The following ZNF774 variants were observed in gnomAD, a reference collection of about 807,000 sequenced individuals.
ZNF774 encodes zinc finger protein 774.
In ZNF774, 14 loss-of-function variants were observed where a neutral mutation model predicts 11.1. That is an observed-to-expected ratio of 1.26 (90% CI 0.83 to 1.97). The LOEUF is 1.97. Ranked by LOEUF, ZNF774 falls within the 30% of genes most tolerant of loss-of-function variation. The pLI is 0.00. For synonymous variants in ZNF774, 195 were observed against 212.6 expected (o/e 0.92, Z 0.72); for missense variants, 599 against 587.0 (o/e 1.02, Z -0.21).
At chr15:90,359,796 A>C (rs1964299698) in intron 3 of ZNF774, among the ~76,000 whole-genome samples, 1 of 152,184 alleles carries the variant, frequency 6.6e-6, no homozygotes, top group South Asian at 2.1e-4. Context: ...CAATATTGAC[A>C]ATATGTGGTC....
At chr15:90,359,919 CAG>C (rs1488746197) in intron 3 of ZNF774, 122 bp from the exon 4 acceptor site, 22 of 1,071,410 alleles carry the variant, frequency 2.1e-5, no homozygotes, top group East Asian at 4.9e-5. Context: ...AAAGTGAAAA[CAG>C]AGCGGTTGAA....
rs141233852 is a variant in ZNF774 at position 90,360,357 on chromosome 15, G to T, written c.526G>T (p.Glu176Ter). Reference sequence around the variant, plus strand: ...AAGACACCTAAGAACCCACACTGGCGAGAGGCCCTATACGTGCATTGAGTG... The same window carrying T: ...AAGACACCTAAGAACCCACACTGGCTAGAGGCCCTATACGTGCATTGAGTG... ...LIRHLRTHTG[E>*]RPYTCIECGK... Residue 176 changes from glutamate to a stop codon, truncating the protein, a stop_gained, in exon 4 of 4, where the codon GAG becomes TAG. Coordinates refer to ENST00000354377, the MANE Select transcript of ZNF774 (RefSeq NM_001004309.3). LOFTEE classifies it low-confidence loss of function (END_TRUNC). The T allele has an allele frequency of 2.1e-5, 34 of 1,614,176 alleles. No individual in the cohort carries two copies. The highest frequency in any genetic ancestry group is 2.8e-5 in the Non-Finnish European group (33 of 1,180,024).
chr15:90,358,877 A>T lies in ZNF774; in HGVS notation c.131A>T (p.Gln44Leu). 6.2e-7 allele frequency: 1 copy of T among 1,613,370 alleles called. No homozygotes were observed. The highest frequency in any genetic ancestry group is 2.2e-5 in the East Asian group (1 of 44,846). The change falls in exon 3 of 4, where the codon CAG (glutamine) becomes CTG (leucine). Residue 44 changes from glutamine (Q) to leucine (L), a missense_variant. Transcript: ENST00000354377. ...ATTTCCAGGCCTAGTGTAATCTCCCAGCCGGAGCAGAAAGAAGAGCCATGG... is the reference window on the plus strand; with the variant it reads ...ATTTCCAGGCCTAGTGTAATCTCCCTGCCGGAGCAGAAAGAAGAGCCATGG... The part of the protein sequence containing the change: ...KGISRPSVIS[Q>L]PEQKEEPWVL...
intron 1 of ZNF774, among the ~76,000 whole-genome samples, chr15:90,352,991 G>T (rs184618340): frequency 2.0e-5 from 3 of 151,472 alleles, no homozygotes; most frequent in Non-Finnish European, 2.9e-5. Flanking sequence ...TTTTTAGACG[G>T]AATTTCGCTC....
intron 3 of ZNF774, among the ~76,000 whole-genome samples, chr15:90,359,318 C>T (rs62019311): frequency 0.16 from 23,772 of 151,080 alleles, 2,164 homozygotes; most frequent in East Asian, 0.24. Flanking sequence ...ATGATCCACC[C>T]GCCTCGGCCT....
At chr15:90,353,704 T>C (rs1964205635) in intron 1 of ZNF774, among the ~76,000 whole-genome samples, 1 of 151,688 alleles carries the variant, frequency 6.6e-6, no homozygotes, top group African/African-American at 2.4e-5. Flanking sequence ...GAAGTGATCC[T>C]CCCACTTCAG....
chr15:90,352,453 C>G (rs1001466338), intron 1 of ZNF774, 42 bp downstream of exon 1: 5 of 152,660 alleles, frequency 3.3e-5, no homozygotes, highest in East Asian at 1.9e-4. Context: ...CAGCGGCGCG[C>G]TGCTGAGGGG....
In ZNF774 at chr15:90,360,104, A is replaced by T; in HGVS notation, c.273A>T (p.Gly91=). The T allele has an allele frequency of 1.9e-6, 3 of 1,614,186 alleles. No homozygotes were observed. Among genetic ancestry groups the T allele is most frequent in the Non-Finnish European group, 2.5e-6 (3 of 1,180,038 alleles). The change falls in exon 4 of 4, where the codon GGA becomes GGT. Residue 91 remains glycine, a synonymous_variant. Coordinates refer to ENST00000354377, the MANE Select transcript of ZNF774 (RefSeq NM_001004309.3). ...QDNSETAEQC[G]TSSERTNKDL... Reference sequence around the variant, plus strand: ...ATTCTGAAACAGCAGAACAATGTGGAACATCCTCAGAAAGGACCAATAAAG... The same window carrying T: ...ATTCTGAAACAGCAGAACAATGTGGTACATCCTCAGAAAGGACCAATAAAG...
At chr15:90,358,080 G>T (rs923442236) in intron 2 of ZNF774, among the ~76,000 whole-genome samples, 8 of 151,924 alleles carry the variant, frequency 5.3e-5, no homozygotes, top group African/African-American at 1.9e-4. Flanking sequence ...TAGAGACGGG[G>T]TTTCACTATG....
At position 90,360,345 on chromosome 15, in the gene ZNF774, AC is replaced by A. The variant is rs764814544; in HGVS notation, c.517del (p.His173ThrfsTer79). ...QSSYLIRHLRTHTGERPYTCI... is the reference protein window; with the variant it reads ...QSSYLIRHLRXHTGERPYTCI... Reference sequence around the variant, plus strand: ...TTCCTATCTCATAAGACACCTAAGAACCCACACTGGCGAGAGGCCCTATACG... The same window carrying A: ...TTCCTATCTCATAAGACACCTAAGAACCACACTGGCGAGAGGCCCTATACG... On this transcript the variant is annotated frameshift_variant, in exon 4 of 4. Coordinates refer to ENST00000354377, the MANE Select transcript of ZNF774 (RefSeq NM_001004309.3). LOFTEE classifies it low-confidence loss of function (END_TRUNC). The A allele has an allele frequency of 1.7e-5, 28 of 1,614,082 alleles. No homozygotes were observed. The highest frequency in any genetic ancestry group is 2.3e-5 in the Non-Finnish European group (27 of 1,180,042).
At chr15:90,353,125 A>G (rs1435440874) in intron 1 of ZNF774, among the ~76,000 whole-genome samples, 2 of 151,806 alleles carry the variant, frequency 1.3e-5, no homozygotes, top group Non-Finnish European at 2.9e-5. Flanking sequence ...GTGCCACCAC[A>G]CCCGGCTAAT....
Position 90,360,405 on chromosome 15 carries a change from T to C in ZNF774, c.574T>C (p.Ser192Pro). 6.2e-7 allele frequency: 1 copy of C among 1,613,682 alleles called. No homozygotes were observed. ...GTGTGGGAAAGGCTTCAAACAGAGC[T>C]CAGACCTTGTCACCCATCGCAGAAC... is the stretch of plus-strand genomic sequence containing the variant. ...IECGKGFKQSSDLVTHRRTHT... is the reference protein window; with the variant it reads ...IECGKGFKQSPDLVTHRRTHT... Residue 192 changes from serine (S) to proline (P), a missense_variant, in exon 4 of 4, where the codon TCA becomes CCA. Transcript: ENST00000354377.
At chr15:90,356,687 C>T (rs1451799801) in intron 2 of ZNF774, among the ~76,000 whole-genome samples, 2 of 152,176 alleles carry the variant, frequency 1.3e-5, no homozygotes, top group Non-Finnish European at 2.9e-5. Context: ...GCTGTACATT[C>T]TTTCTTCCAT....
chr15:90,358,743 AG>A, intron 2 of ZNF774, 107 bp from the exon 3 acceptor site: 1 of 730,634 alleles, frequency 1.4e-6, no homozygotes, highest in Non-Finnish European at 2.3e-6. Flanking sequence ...TACACGTTAG[AG>A]CTCCCCAGGT....
At chr15:90,354,013 T>G (rs1000487147) in intron 1 of ZNF774, among the ~76,000 whole-genome samples, 20 of 143,386 alleles carry the variant, frequency 1.4e-4, no homozygotes, top group African/African-American at 5.5e-4. Flanking sequence ...CCCTAAGAGT[T>G]GTGTTTTGTG....
rs375111790 is a variant in ZNF774 at position 90,360,080 on chromosome 15, T to A, written c.249T>A (p.Asn83Lys). The change falls in exon 4 of 4, where the codon AAT becomes AAA. Residue 83 changes from asparagine (N) to lysine (K), a missense_variant. Coordinates refer to ENST00000354377, the MANE Select transcript of ZNF774 (RefSeq NM_001004309.3). The part of the protein sequence containing the change: ...EHQVAKLNQD[N>K]SETAEQCGTS... Reference sequence around the variant, plus strand: ...AGGTGGCAAAGCTCAATCAGGACAATTCTGAAACAGCAGAACAATGTGGAA... The same window carrying A: ...AGGTGGCAAAGCTCAATCAGGACAAATCTGAAACAGCAGAACAATGTGGAA... 1 of 1,613,968 alleles carries A rather than the reference T, an allele frequency of 6.2e-7. No individual in the cohort carries two copies. Among genetic ancestry groups the A allele is most frequent in the South Asian group, 1.1e-5 (1 of 91,074 alleles).
In ZNF774 at chr15:90,360,821, T is replaced by C. The variant is rs1352729036; in HGVS notation, c.990T>C (p.Asp330=). 1 of 1,614,032 alleles carries C rather than the reference T, an allele frequency of 6.2e-7. No homozygotes were observed. The change falls in exon 4 of 4, where the codon GAT becomes GAC. Residue 330 remains aspartate (D), a synonymous_variant. Coordinates refer to ENST00000354377, the MANE Select transcript of ZNF774 (RefSeq NM_001004309.3). ...KCPECGKGFR[D]SSHFVAHMST... ...CGGAGTGCGGGAAGGGCTTCAGAGA[T>C]AGTTCTCATTTTGTAGCTCACATGA...
intron 2 of ZNF774, among the ~76,000 whole-genome samples, chr15:90,358,116 G>C (rs1381382781): frequency 6.6e-6 from 1 of 151,928 alleles, no homozygotes; most frequent in Non-Finnish European, 1.5e-5. Flanking sequence ...TCAAACTCCT[G>C]ACCTCGTAAT....
chr15:90,359,017 A>G, intron 3 of ZNF774, 60 bp downstream of exon 3: 1 of 1,333,518 alleles, frequency 7.5e-7, no homozygotes. Context: ...GTTTAGATGA[A>G]GAATTTGGAA....
Sources: allele counts gnomAD v4.1 joint callset (sites outside exome capture counted in the v4.1 genomes callset), GRCh38; gene constraint gnomAD v4.1.1; transcripts MANE v1.5; gene names NCBI Gene and HGNC (gene_info 2026-07-23, HGNC 2026-07-21).